NELL1: variants seen among roughly 807,000 people sequenced by gnomAD.
NELL1 encodes protein kinase C-binding protein NELL1.
In NELL1, 76 loss-of-function variants were observed where a neutral mutation model predicts 107.4. The ratio of observed to expected loss-of-function variants is 0.71; its 90% CI spans 0.59 to 0.86. The LOEUF is 0.86. Among genes scored for constraint, NELL1 ranks in the 40% least tolerant of loss-of-function variants. NELL1 has a pLI of 0.00. For synonymous variants in NELL1, 353 were observed against 341.2 expected, an observed-to-expected ratio of 1.03 and a Z score of -0.38; for missense variants, 1,024 against 1,005.5, an observed-to-expected ratio of 1.02 and a Z score of -0.25.
At chr11:21,359,312 C>T (rs1344228481) in intron 14 of NELL1, among the ~76,000 whole-genome samples, 4 of 152,182 alleles carry the variant, frequency 2.6e-5, no homozygotes, top group African/African-American at 7.2e-5. Flanking sequence ...ACCATCCCTA[C>T]ATCCTTGGTA....
intron 13 of NELL1, among the ~76,000 whole-genome samples, chr11:21,212,358 A>G (rs1857516238): frequency 6.6e-6 from 1 of 152,312 alleles, no homozygotes; most frequent in Non-Finnish European, 1.5e-5. Flanking sequence ...TGTTTAGAAA[A>G]GAAGCAAAGG....
At chr11:21,563,251 C>A (rs983960369) in intron 17 of NELL1, among the ~76,000 whole-genome samples, 6 of 152,066 alleles carry the variant, frequency 3.9e-5, no homozygotes, top group Admixed American at 2.0e-4. Flanking sequence ...AGGAAGACAT[C>A]TTTATTTTCA....
At chr11:21,309,681 G>C (rs1849705545) in intron 14 of NELL1, among the ~76,000 whole-genome samples, 2 of 151,992 alleles carry the variant, frequency 1.3e-5, no homozygotes, top group South Asian at 4.1e-4. Context: ...TGGCTGGGGA[G>C]GCCTCACAAT....
At chr11:21,504,540 A>G (rs1439845608) in intron 15 of NELL1, among the ~76,000 whole-genome samples, 1 of 152,070 alleles carries the variant, frequency 6.6e-6, no homozygotes, top group African/African-American at 2.4e-5. Context: ...GTGCCTTTGT[A>G]ATTTTGTCTT....
intron 4 of NELL1, among the ~76,000 whole-genome samples, chr11:20,854,829 T>A (rs1848852748): frequency 6.6e-6 from 1 of 152,202 alleles, no homozygotes; most frequent in Admixed American, 6.5e-5. Flanking sequence ...GTGAAAGACA[T>A]ACATCCTCTG....
At chr11:21,379,480 G>A (rs1021539750) in intron 15 of NELL1, among the ~76,000 whole-genome samples, 6 of 151,876 alleles carry the variant, frequency 4.0e-5, no homozygotes, top group East Asian at 1.9e-4. Context: ...TAGGGATATC[G>A]GTAAAAAGCA....
At chr11:20,900,071 G>A (rs558027739) in intron 5 of NELL1, among the ~76,000 whole-genome samples, 2 of 152,098 alleles carry the variant, frequency 1.3e-5, no homozygotes, top group Non-Finnish European at 2.9e-5. Context: ...GGCTTACTTT[G>A]CTGGATTTTA....
intron 12 of NELL1, among the ~76,000 whole-genome samples, chr11:20,999,160 C>T (rs948954093): frequency 3.9e-5 from 6 of 152,152 alleles, no homozygotes; most frequent in Non-Finnish European, 5.9e-5. Context: ...GGTTCCAAGC[C>T]TGTAAGACTC....
chr11:21,105,485 G>T (rs570969206), intron 12 of NELL1, among the ~76,000 whole-genome samples: 1 of 152,212 alleles, frequency 6.6e-6, no homozygotes, highest in East Asian at 1.9e-4. Context: ...CATGTTGCCT[G>T]CTCCCTACTG....
intron 14 of NELL1, among the ~76,000 whole-genome samples, chr11:21,348,179 A>G (rs923644769): frequency 2.0e-5 from 3 of 152,204 alleles, no homozygotes; most frequent in Admixed American, 6.5e-5. Flanking sequence ...ATTAGGAGGT[A>G]GAGGCATGCT....
At chr11:21,543,473 G>A (rs572742090) in intron 16 of NELL1, among the ~76,000 whole-genome samples, 1 of 152,100 alleles carries the variant, frequency 6.6e-6, no homozygotes, top group South Asian at 2.1e-4. Flanking sequence ...CCTCAGTATG[G>A]AATGGATATG....
Position 21,210,643 on chromosome 11 carries a change from A to G in NELL1, c.1427-18689A>G, listed in dbSNP as rs988094405. 1.1e-4 allele frequency among the ~76,000 whole-genome samples: 17 copies of G among 152,338 alleles called. No individual in the cohort carries two copies. The East Asian group carries it at 2.9e-3, about 26-fold the overall frequency. Reference sequence around the variant, plus strand: ...TAGATTCAAGTCCCTTTTAAGATACATGATTTGCAAATGTTTTCTCTTACT... The same window carrying G: ...TAGATTCAAGTCCCTTTTAAGATACGTGATTTGCAAATGTTTTCTCTTACT... On this transcript the variant is annotated intron_variant, in intron 13 of 19. Coordinates refer to ENST00000357134, the MANE Select transcript of NELL1 (RefSeq NM_006157.5).
intron 15 of NELL1, among the ~76,000 whole-genome samples, chr11:21,430,034 T>C (rs1223535794): frequency 6.6e-6 from 1 of 152,214 alleles, no homozygotes; most frequent in Non-Finnish European, 1.5e-5. Context: ...ACTTGTTATA[T>C]GTTCACCTCT....
chr11:21,113,422 A>C (rs780521185), intron 12 of NELL1, among the ~76,000 whole-genome samples, 167 bp from the exon 13 acceptor site: 24 of 152,002 alleles, frequency 1.6e-4, no homozygotes, highest in Non-Finnish European at 3.2e-4. Flanking sequence ...TCAGGATGGG[A>C]TCTAACGTAC....
rs182335590 is a variant in NELL1, at chr11:20,912,591, C to A, written c.604-5591C>A. 8.6e-4 allele frequency among the ~76,000 whole-genome samples: 131 copies of A among 152,240 alleles called. 1 individual carries two copies. The highest frequency in any genetic ancestry group is 1.4e-3 in the Non-Finnish European group (92 of 68,010). On this transcript the variant is annotated intron_variant, in intron 5 of 19. Coordinates refer to ENST00000357134, the MANE Select transcript of NELL1 (RefSeq NM_006157.5). ...GTTGAGGCCTCAGGGAGACTTCATT[C>A]CAAAGCCTTTCACAGAGGCCAAGGC...
chr11:21,506,739 G>A (rs1233619964), intron 15 of NELL1, among the ~76,000 whole-genome samples: 1 of 152,178 alleles, frequency 6.6e-6, no homozygotes, highest in African/African-American at 2.4e-5. Flanking sequence ...CCACTCTAAT[G>A]TGTCTGAGCA....
chr11:20,748,542 A>C (rs1048690900), intron 2 of NELL1, among the ~76,000 whole-genome samples: 2 of 152,076 alleles, frequency 1.3e-5, no homozygotes, highest in Admixed American at 1.3e-4. Flanking sequence ...AGTTTTTTTA[A>C]TTCCTTATTC....
intron 2 of NELL1, among the ~76,000 whole-genome samples, chr11:20,746,574 ACACACACAC>A (rs2133939888): frequency 1.2e-4 from 1 of 8,604 alleles, no homozygotes. Context: ...TTTCACACAC[ACACACACAC>A]ACACACACAC....
At chr11:20,777,038 T>C (rs1856764389) in intron 2 of NELL1, among the ~76,000 whole-genome samples, 1 of 152,262 alleles carries the variant, frequency 6.6e-6, no homozygotes, top group Non-Finnish European at 1.5e-5. Context: ...TGCCAGGCAC[T>C]GGGTGTATCA....
Sources: gnomAD v4.1 joint callset for allele counts (sites outside exome capture counted in the v4.1 genomes callset) on GRCh38, gnomAD v4.1.1 for gene constraint, MANE v1.5 for transcripts, NCBI Gene and HGNC (gene_info 2026-07-23, HGNC 2026-07-21) for gene names.